Variants in C6 observed in about 807,000 individuals in gnomAD.
C6 encodes the protein complement C6.
Under a neutral mutation model 112.9 loss-of-function variants are expected in C6, and 101 were observed. The observed-to-expected ratio is 0.89, with a 90% CI of 0.76 to 1.06. C6 has a LOEUF of 1.06. Ranked by LOEUF, C6 falls within the 50% of genes least tolerant of loss-of-function variation. C6 has a pLI of 0.00. For synonymous variants in C6, 431 were observed against 384.1 expected (o/e 1.12, Z -1.43); for missense variants, 1,202 against 1,104.6 (o/e 1.09, Z -1.25).
intron 1 of C6, among the ~76,000 whole-genome samples, chr5:41,211,950 C>A (rs1012070307): frequency 1.3e-5 from 2 of 152,058 alleles, no homozygotes; most frequent in African/African-American, 2.4e-5. Context: ...CAATTATCAT[C>A]AAAAACTGCA....
rs779978560 is a variant in C6, at chr5:41,203,183, G to C, written c.48C>G (p.Ile16Met). The C allele has an allele frequency of 3.0e-5, 49 of 1,613,974 alleles. No homozygotes were observed. The highest frequency in any genetic ancestry group is 5.0e-5 in the Admixed American group (3 of 59,978). Residue 16 changes from isoleucine to methionine, a missense_variant, in exon 2 of 18, where the codon ATC (isoleucine) becomes ATG (methionine). Physicochemically the swap from Ile to Met is conservative, Grantham distance 10. Transcript: ENST00000337836. ...CACAGAAGCAGGCTTGGCCCTTGTTGATCAGAGCATTCAGCAGGATGAAGT... is the reference window on the plus strand; with the variant it reads ...CACAGAAGCAGGCTTGGCCCTTGTTCATCAGAGCATTCAGCAGGATGAAGT... ...VLYFILLNAL[I>M]NKGQACFCDH...
intron 1 of C6, among the ~76,000 whole-genome samples, chr5:41,250,196 A>G (rs1741263270): frequency 6.6e-6 from 1 of 152,220 alleles, no homozygotes; most frequent in African/African-American, 2.4e-5. Context: ...AGAATGGAAA[A>G]TTCCACCTCC....
At chr5:41,239,601 C>T (rs746644023) in intron 1 of C6, among the ~76,000 whole-genome samples, 1 of 151,996 alleles carries the variant, frequency 6.6e-6, no homozygotes, top group Non-Finnish European at 1.5e-5. Context: ...TTCCCCATCC[C>T]CCACCCCTCA....
At chr5:41,212,285 C>T (rs1253674862) in intron 1 of C6, among the ~76,000 whole-genome samples, 4 of 152,096 alleles carry the variant, frequency 2.6e-5, no homozygotes, top group South Asian at 2.1e-4. Context: ...CTCAGCCTCC[C>T]GAGTAGCTGG....
chr5:41,216,200 ACTC>A (rs1752191124), upstream of C6, among the ~76,000 whole-genome samples: 1 of 152,050 alleles, frequency 6.6e-6, no homozygotes, highest in East Asian at 1.9e-4. Flanking sequence ...TTTGCCATCT[ACTC>A]CTCATTCACT....
chr5:41,189,967 T>G (rs957789047), intron 5 of C6, among the ~76,000 whole-genome samples: 3 of 152,218 alleles, frequency 2.0e-5, no homozygotes, highest in African/African-American at 7.2e-5. Context: ...TGAATAGTAC[T>G]CCATTTTGTA....
At chr5:41,167,496 C>T (rs938667554) in intron 9 of C6, among the ~76,000 whole-genome samples, 8 of 152,022 alleles carry the variant, frequency 5.3e-5, no homozygotes, top group African/African-American at 1.9e-4. Flanking sequence ...TAGTGCAGGC[C>T]TAAGATTCCA....
chr5:41,225,212 C>T (rs1453933680), intron 1 of C6, among the ~76,000 whole-genome samples: 2 of 152,148 alleles, frequency 1.3e-5, no homozygotes, highest in Non-Finnish European at 2.9e-5. Flanking sequence ...CTATCCCTCC[C>T]CTCTCCCCCA....
intron 1 of C6, among the ~76,000 whole-genome samples, chr5:41,256,358 G>A (rs1466040238): frequency 6.8e-6 from 1 of 147,820 alleles, no homozygotes; most frequent in Non-Finnish European, 1.5e-5. Flanking sequence ...CAGCACACCA[G>A]CATGGCACAT....
At chr5:41,216,890 A>G (rs1752214187), upstream of C6, among the ~76,000 whole-genome samples, 1 of 152,098 alleles carries the variant, frequency 6.6e-6, no homozygotes, top group African/African-American at 2.4e-5. Flanking sequence ...TCTTTTAAGG[A>G]AACCACGAAA....
At chr5:41,226,198 A>T (rs1452153236) in intron 1 of C6, among the ~76,000 whole-genome samples, 1 of 152,170 alleles carries the variant, frequency 6.6e-6, no homozygotes. Context: ...TTTGCAATCT[A>T]CTCATCTGAC....
chr5:41,183,874 A>G (rs538166775), intron 6 of C6, among the ~76,000 whole-genome samples: 1 of 152,230 alleles, frequency 6.6e-6, no homozygotes, highest in South Asian at 2.1e-4. Context: ...AAATTAACAC[A>G]GGAACAGAAA....
At chr5:41,224,799 A>G (rs977566942) in intron 1 of C6, among the ~76,000 whole-genome samples, 14 of 152,144 alleles carry the variant, frequency 9.2e-5, no homozygotes, top group African/African-American at 3.1e-4. Context: ...TGGTAGCTCT[A>G]TCTTTAACAT....
At chr5:41,194,950 G>C (rs925391576) in intron 5 of C6, among the ~76,000 whole-genome samples, 35 of 152,326 alleles carry the variant, frequency 2.3e-4, no homozygotes, top group Middle Eastern at 3.4e-3. Flanking sequence ...GGTAGATGTA[G>C]TCCTGAATCA....
At chr5:41,192,477 G>C (rs765834477) in intron 5 of C6, among the ~76,000 whole-genome samples, 3 of 152,098 alleles carry the variant, frequency 2.0e-5, no homozygotes, top group Non-Finnish European at 2.9e-5. Context: ...ACAAAGTTTG[G>C]TAGAATTCAG....
intron 1 of C6, among the ~76,000 whole-genome samples, chr5:41,206,141 C>A (rs1055431219): frequency 3.6e-4 from 54 of 151,464 alleles, no homozygotes; most frequent in African/African-American, 1.2e-3. Context: ...CTCCAACAGA[C>A]CTACACCTGA....
At chr5:41,240,422 A>G (rs1740628265) in intron 1 of C6, among the ~76,000 whole-genome samples, 1 of 152,056 alleles carries the variant, frequency 6.6e-6, no homozygotes, top group African/African-American at 2.4e-5. Context: ...CAGATGGGTG[A>G]GTCCTTGGGC....
At chr5:41,149,667 T>C (rs1746193881) in intron 16 of C6, among the ~76,000 whole-genome samples, 185 bp from the exon 17 acceptor site, 1 of 152,200 alleles carries the variant, frequency 6.6e-6, no homozygotes, top group Non-Finnish European at 1.5e-5. Context: ...TTAAAGTTTT[T>C]ACATGTGCAG....
chr5:41,242,075 T>C (rs777279036), intron 1 of C6, among the ~76,000 whole-genome samples: 1 of 152,142 alleles, frequency 6.6e-6, no homozygotes, highest in Non-Finnish European at 1.5e-5. Flanking sequence ...TTAATTGGCA[T>C]AGGAGCAGAA....
Sources: allele counts gnomAD v4.1 joint callset (sites outside exome capture counted in the v4.1 genomes callset), GRCh38; gene constraint gnomAD v4.1.1; transcripts MANE v1.5; gene names NCBI Gene and HGNC (gene_info 2026-07-23, HGNC 2026-07-21).